SPTBN4: variants seen among roughly 807,000 people sequenced by gnomAD.
SPTBN4 encodes spectrin beta, non-erythrocytic 4.
A neutral mutation model predicts 277.8 loss-of-function variants in SPTBN4; 96 were observed. That is an observed-to-expected ratio of 0.35 (90% CI 0.29 to 0.41). The LOEUF is 0.41. Ranked by LOEUF, SPTBN4 falls within the 10% of genes least tolerant of loss-of-function variation. The pLI is 1.00. For missense variants in SPTBN4, 3,006 were observed against 3,595.7 expected, an observed-to-expected ratio of 0.84 and a Z score of 4.19; for synonymous variants, 1,481 against 1,580.3, an observed-to-expected ratio of 0.94 and a Z score of 1.49.
intron 16 of SPTBN4, among the ~76,000 whole-genome samples, chr19:40,520,468 G>T (rs939540183): frequency 2.6e-5 from 4 of 152,162 alleles, no homozygotes; most frequent in African/African-American, 7.2e-5. Context: ...TCCTGGGTTC[G>T]TGGATTATCT....
intron 26 of SPTBN4, among the ~76,000 whole-genome samples, chr19:40,558,638 C>T (rs541508916): frequency 6.6e-6 from 1 of 151,850 alleles, no homozygotes; most frequent in South Asian, 2.1e-4. Flanking sequence ...GACAGGGTCT[C>T]ACTCTGTCAC....
At chr19:40,536,466 G>A (rs1278811175) in intron 20 of SPTBN4, among the ~76,000 whole-genome samples, 1 of 152,008 alleles carries the variant, frequency 6.6e-6, no homozygotes, top group Admixed American at 6.6e-5. Flanking sequence ...CACCCGCCTT[G>A]GCCTCCCAAA....
intron 26 of SPTBN4, among the ~76,000 whole-genome samples, chr19:40,559,751 C>T (rs936356648): frequency 5.9e-5 from 9 of 152,114 alleles, no homozygotes; most frequent in African/African-American, 1.9e-4. Context: ...ATTGAACAGC[C>T]GTCGTGTAGG....
rs1008109791 is a variant in SPTBN4 at position 40,576,460 on chromosome 19, CG to C, written c.*893del. On this transcript the variant is annotated 3_prime_UTR_variant, in exon 36 of 36. Coordinates refer to ENST00000598249, the MANE Select transcript of SPTBN4 (RefSeq NM_020971.3). ...CCTATAATAAACCCTTTGGCTTTGACGGTCTATGGTCCTTTGTTTGGGTTTT... is the reference window on the plus strand; with the variant it reads ...CCTATAATAAACCCTTTGGCTTTGACGTCTATGGTCCTTTGTTTGGGTTTT... 2 of 141,710 alleles carry C rather than the reference CG, an allele frequency of 1.4e-5. No individual in the cohort carries two copies. The highest frequency in any genetic ancestry group is 3.0e-5 in the Non-Finnish European group (2 of 67,762). 8.8% of individuals were successfully genotyped at this position (141,710 alleles called of 1,614,324 possible). A position where few individuals can be genotyped will look rare whatever the true frequency, so the allele number is the denominator to read the frequency against.
chr19:40,572,166 G>T lies in SPTBN4; in HGVS notation c.7467G>T (p.Lys2489Asn), dbSNP rs2081161792. 1 of 1,604,004 alleles carries T rather than the reference G, an allele frequency of 6.2e-7. No homozygotes were observed. The highest frequency in any genetic ancestry group is 8.5e-7 in the Non-Finnish European group (1 of 1,174,118). ...KATSEVASDY[K>N]KKKHVFKLQT... ...CCAGCGAGGTGGCTAGTGACTACAA[G>T]AAAAAGAAGCATGTCTTCAAGCTCC... is the stretch of plus-strand genomic sequence containing the variant. Residue 2489 changes from lysine to asparagine, a missense_variant, in exon 34 of 36, where the codon AAG becomes AAT. Lys to Asn is a moderately conservative substitution (Grantham distance 94). This residue lies in a region of SPTBN4 where 630 missense variants were observed against 677.6 expected (regional missense o/e 0.93). Coordinates refer to ENST00000598249, the MANE Select transcript of SPTBN4 (RefSeq NM_020971.3).
intron 18 of SPTBN4, chr19:40,530,505 CGCCGCT>C (rs1040116884): frequency 2.0e-6 from 2 of 979,754 alleles, no homozygotes; most frequent in Non-Finnish European, 1.2e-6. Flanking sequence ...CAGCCTTCGC[CGCCGCT>C]GCCGCTGCCG....
intron 20 of SPTBN4, among the ~76,000 whole-genome samples, chr19:40,541,927 A>G (rs1359522836): frequency 7.5e-6 from 1 of 133,038 alleles, no homozygotes; most frequent in South Asian, 2.4e-4. Context: ...TTTTATTTTT[A>G]TTTTTTCTTT....
rs2081110493 is a variant in SPTBN4 at position 40,567,823 on chromosome 19, A to T, written c.6497A>T (p.Asp2166Val). 1 of 1,518,776 alleles carries T rather than the reference A, an allele frequency of 6.6e-7. No individual in the cohort carries two copies. The highest frequency in any genetic ancestry group is 8.8e-7 in the Non-Finnish European group (1 of 1,131,550). 94.1% of individuals were successfully genotyped at this position (1,518,776 alleles called of 1,614,324 possible). ...GLEPLARRAS[D>V]TLSAEVRTRV... ...GAGCCCCTGGCCCGCCGAGCCTCGG[A>T]CACGCTCTCGGCCGAGGTGCGGACT... Residue 2166 changes from aspartate to valine, a missense_variant, in exon 31 of 36, where the codon GAC becomes GTC. Around this residue, in one of 5 missense-constraint regions of SPTBN4, gnomAD observed 630 missense variants for 677.6 expected, o/e 0.93. Coordinates refer to ENST00000598249, the MANE Select transcript of SPTBN4 (RefSeq NM_020971.3).
chr19:40,519,449 C>G lies in SPTBN4; in HGVS notation c.2952C>G (p.Ser984Arg), dbSNP rs773597147. The G allele has an allele frequency of 6.2e-7, 1 of 1,602,776 alleles. No individual in the cohort carries two copies. Among genetic ancestry groups the G allele is most frequent in the Non-Finnish European group, 8.5e-7 (1 of 1,176,202 alleles). ...TGGAACAGCGCAAAGAGGAAATGAG[C>G]GCGGTGCTGCTGGTGGAGAACCACG... ...ELVEQRKEEM[S>R]AVLLVENHVL... Residue 984 changes from serine (S) to arginine (R), a missense_variant, in exon 16 of 36, where the codon AGC (serine) becomes AGG (arginine). Transcript: ENST00000598249. The surrounding 1 kb of genome is among the most constrained non-coding windows in gnomAD (Gnocchi z 5.7).
intron 1 of SPTBN4, among the ~76,000 whole-genome samples, chr19:40,469,532 G>GGATT (rs1313911219): frequency 1.3e-5 from 2 of 151,804 alleles, no homozygotes; most frequent in East Asian, 2.0e-4. Flanking sequence ...CAAAGTGCTA[G>GGATT]GATTACAGGT....
In SPTBN4 at chr19:40,558,339, A is replaced by C. The variant is rs1050622059; in HGVS notation, c.5670+936A>C. ...GCCACTGCACTCCAGCCTGGGCGAC[A>C]GAGTGAGACTCCATCTCAAAAAAAA... is the stretch of plus-strand genomic sequence containing the variant. On this transcript the variant is annotated intron_variant, in intron 26 of 35. Transcript: ENST00000598249. 3.3e-5 allele frequency among the ~76,000 whole-genome samples: 5 copies of C among 150,900 alleles called. No individual in the cohort carries two copies. The East Asian group carries it at 9.9e-4, about 30-fold the overall frequency.
chr19:40,565,314 G>A, intron 27 of SPTBN4, 109 bp from the exon 28 acceptor site: 2 of 1,287,334 alleles, frequency 1.6e-6, no homozygotes, highest in Non-Finnish European at 2.2e-6. Context: ...GTGTCTTGAG[G>A]TGGTATGGGA....
chr19:40,533,600 G>A (rs1031066414), intron 19 of SPTBN4, among the ~76,000 whole-genome samples: 2 of 152,142 alleles, frequency 1.3e-5, no homozygotes, highest in Non-Finnish European at 2.9e-5. Context: ...ATATGGCGAA[G>A]GCAGTCTTCT....
intron 14 of SPTBN4, among the ~76,000 whole-genome samples, chr19:40,514,074 A>C (rs1050531659): frequency 6.6e-6 from 1 of 152,196 alleles, no homozygotes; most frequent in Non-Finnish European, 1.5e-5. Flanking sequence ...GACATATTGT[A>C]TACTGACTTG....
intron 2 of SPTBN4, among the ~76,000 whole-genome samples, chr19:40,475,874 C>T (rs572288036): frequency 2.9e-4 from 44 of 151,032 alleles, no homozygotes; most frequent in African/African-American, 1.0e-3. Flanking sequence ...GGTGAAACCC[C>T]GTCTCTACTA....
intron 27 of SPTBN4, among the ~76,000 whole-genome samples, chr19:40,561,357 CCT>C (rs1310297245): frequency 4.6e-5 from 7 of 152,058 alleles, no homozygotes; most frequent in Non-Finnish European, 8.8e-5. Flanking sequence ...AAGAAAAGGA[CCT>C]AGGGAATCAG....
chr19:40,493,146 C>T, intron 5 of SPTBN4, 92 bp downstream of exon 5: 1 of 1,215,984 alleles, frequency 8.2e-7, no homozygotes, highest in Non-Finnish European at 1.2e-6. Context: ...AGGGGCAGCC[C>T]ATGTCCTCAG....
At chr19:40,527,598 T>TG (rs1214847373) in intron 17 of SPTBN4, among the ~76,000 whole-genome samples, 26 of 152,144 alleles carry the variant, frequency 1.7e-4, no homozygotes, top group Admixed American at 1.7e-3. Context: ...GAGTAGATGT[T>TG]GGGGGAAGGA....
At chr19:40,482,009 T>A (rs1158239868) in intron 2 of SPTBN4, among the ~76,000 whole-genome samples, 1 of 151,864 alleles carries the variant, frequency 6.6e-6, no homozygotes, top group Non-Finnish European at 1.5e-5. Flanking sequence ...CGATCTCAGC[T>A]CACTGCAACC....
Sources: allele counts gnomAD v4.1 joint callset (sites outside exome capture counted in the v4.1 genomes callset), GRCh38; gene constraint gnomAD v4.1.1; regional missense constraint gnomAD v4.1.1; non-coding constraint Gnocchi (gnomAD v3.1); transcripts MANE v1.5; gene names NCBI Gene and HGNC (gene_info 2026-07-23, HGNC 2026-07-21).